CSGALNACT1: variants seen among roughly 807,000 people sequenced by gnomAD.
CSGALNACT1 encodes the protein chondroitin sulfate N-acetylgalactosaminyltransferase 1.
CSGALNACT1 carries 52 observed loss-of-function variants against 51.0 expected under a neutral mutation model. The ratio of observed to expected loss-of-function variants is 1.02; its 90% CI spans 0.82 to 1.29. CSGALNACT1 has a LOEUF of 1.29. CSGALNACT1 is among the 50% of genes most tolerant of loss of function. The pLI, the probability that CSGALNACT1 is intolerant of heterozygous loss-of-function variation, is 0.00. For missense variants in CSGALNACT1, 935 were observed against 679.2 expected, an observed-to-expected ratio of 1.38 and a Z score of -4.19; for synonymous variants, 341 against 254.4, an observed-to-expected ratio of 1.34 and a Z score of -3.24.
chr8:19,659,921 C>G (rs1375455551), intron 1 of CSGALNACT1, among the ~76,000 whole-genome samples: 1 of 152,246 alleles, frequency 6.6e-6, no homozygotes, highest in African/African-American at 2.4e-5. Context: ...GGCAAAAATA[C>G]TGCCTCACAT....
At chr8:19,532,191 G>C (rs1040539890) in intron 3 of CSGALNACT1, among the ~76,000 whole-genome samples, 1 of 150,700 alleles carries the variant, frequency 6.6e-6, no homozygotes, top group African/African-American at 2.4e-5. Context: ...AAACATGTTT[G>C]TTTGCACATT....
intron 1 of CSGALNACT1, among the ~76,000 whole-genome samples, chr8:19,654,383 G>A (rs1432780404): frequency 1.3e-5 from 2 of 152,164 alleles, no homozygotes; most frequent in African/African-American, 2.4e-5. Flanking sequence ...AAGTCTGAAT[G>A]TGTGTGACGC....
intron 3 of CSGALNACT1, among the ~76,000 whole-genome samples, chr8:19,524,804 G>A (rs1212053332): frequency 6.6e-6 from 1 of 152,108 alleles, no homozygotes; most frequent in Non-Finnish European, 1.5e-5. Context: ...CCCGCTCAAT[G>A]ACAGAACAGA....
intron 1 of CSGALNACT1, among the ~76,000 whole-genome samples, chr8:19,626,017 A>G (rs1477819569): frequency 1.3e-5 from 2 of 152,254 alleles, no homozygotes; most frequent in Non-Finnish European, 1.5e-5. Flanking sequence ...AAGTATTAAC[A>G]TTTAAATTAA....
intron 1 of CSGALNACT1, chr8:19,678,439 A>G (rs923508011): frequency 1.3e-5 from 2 of 152,246 alleles, no homozygotes; most frequent in African/African-American, 2.4e-5. Flanking sequence ...ACAGAAAGGT[A>G]GAACTCATTT....
intron 1 of CSGALNACT1, among the ~76,000 whole-genome samples, chr8:19,640,938 T>C (rs2056665459): frequency 1.3e-5 from 2 of 152,022 alleles, no homozygotes; most frequent in South Asian, 4.1e-4. Context: ...GAACAATCAT[T>C]TTCTAAGACA....
At chr8:19,687,895 C>A (rs533835015) in intron 1 of CSGALNACT1, among the ~76,000 whole-genome samples, 12 of 152,236 alleles carry the variant, frequency 7.9e-5, no homozygotes, top group African/African-American at 2.9e-4. Flanking sequence ...ACTGTATAAC[C>A]CTCAGAGGAA....
intron 8 of CSGALNACT1, among the ~76,000 whole-genome samples, chr8:19,412,319 C>T (rs1293718430): frequency 2.0e-5 from 3 of 152,174 alleles, no homozygotes; most frequent in African/African-American, 7.2e-5. Flanking sequence ...GTGGACGATT[C>T]ACGTGACAGG....
At chr8:19,746,161 G>C (rs554093047) in intron 1 of CSGALNACT1, among the ~76,000 whole-genome samples, 1 of 152,284 alleles carries the variant, frequency 6.6e-6, no homozygotes, top group East Asian at 1.9e-4. Flanking sequence ...ACCAGTTTCA[G>C]ATGCTCCATG....
At chr8:19,509,648 A>T (rs1440408283) in intron 3 of CSGALNACT1, among the ~76,000 whole-genome samples, 2 of 138,310 alleles carry the variant, frequency 1.4e-5, no homozygotes, top group African/African-American at 5.6e-5. Context: ...AAAAAAAAAA[A>T]TGGGTGTCAC....
chr8:19,473,202 C>T (rs993322295), intron 4 of CSGALNACT1, among the ~76,000 whole-genome samples: 3 of 152,156 alleles, frequency 2.0e-5, no homozygotes, highest in African/African-American at 7.2e-5. Context: ...TACAAATTAG[C>T]ATATGTAATA....
exon 7 of CSGALNACT1, chr8:19,420,423 C>T: frequency 1.2e-6 from 2 of 1,614,210 alleles, no homozygotes; most frequent in South Asian, 2.2e-5. Flanking sequence ...AAGGACGTTG[C>T]TTCCCTTCCA....
Position 19,757,436 on chromosome 8 carries a change from G to T in CSGALNACT1, c.-297+414C>A, listed in dbSNP as rs1373216159. 2.0e-5 allele frequency: 3 copies of T among 152,600 alleles called. No individual in the cohort carries two copies. Among genetic ancestry groups the T allele is most frequent in the African/African-American group, 7.2e-5 (3 of 41,506 alleles). The allele number at this position is 152,600 out of a possible 1,614,324, so 9.5% of individuals were successfully genotyped here. On this transcript the variant is annotated intron_variant, in intron 1 of 1. Coordinates refer to the CSGALNACT1 transcript ENST00000517494. This position sits in a 1 kb window ranked among gnomAD's most constrained non-coding sequence, Gnocchi z 4.0. ...GCGGCCAAGGCCGGGCTGGGGTCGC[G>T]GTTGGCCGCGTACCTCCGCGTCACC...
intron 1 of CSGALNACT1, among the ~76,000 whole-genome samples, chr8:19,750,989 C>T (rs185209848): frequency 3.2e-4 from 48 of 152,250 alleles, no homozygotes; most frequent in Non-Finnish European, 4.1e-4. Flanking sequence ...CAAACCTATA[C>T]ATTAAAAGTG....
intron 6 of CSGALNACT1, among the ~76,000 whole-genome samples, chr8:19,422,675 A>G (rs1468208997): frequency 6.6e-6 from 1 of 152,222 alleles, no homozygotes; most frequent in African/African-American, 2.4e-5. Context: ...AGTCAAGGAC[A>G]CGCTATCCTC....
chr8:19,576,876 C>G (rs369477603), intron 3 of CSGALNACT1, among the ~76,000 whole-genome samples: 3 of 152,116 alleles, frequency 2.0e-5, no homozygotes, highest in African/African-American at 7.2e-5. Context: ...ACTGCCACAC[C>G]TTACTGCTCT....
intron 5 of CSGALNACT1, among the ~76,000 whole-genome samples, chr8:19,442,501 A>G (rs1440535849): frequency 6.8e-6 from 1 of 147,156 alleles, no homozygotes. Flanking sequence ...GTTCTCACTC[A>G]TAGGTGGGAA....
intron 4 of CSGALNACT1, among the ~76,000 whole-genome samples, chr8:19,481,503 G>A (rs545069130): frequency 7.2e-5 from 11 of 152,162 alleles, no homozygotes; most frequent in African/African-American, 2.2e-4. Flanking sequence ...TAAGTACCCT[G>A]CCCAAGATCT....
chr8:19,458,804 A>G (rs1280010555), intron 4 of CSGALNACT1, among the ~76,000 whole-genome samples, 162 bp from the exon 4 acceptor site: 2 of 152,206 alleles, frequency 1.3e-5, no homozygotes, highest in Non-Finnish European at 1.5e-5. Flanking sequence ...AAAAAATTCC[A>G]AAAGAAGTCA....
Sources: allele counts gnomAD v4.1 joint callset (sites outside exome capture counted in the v4.1 genomes callset), GRCh38; gene constraint gnomAD v4.1.1; non-coding constraint Gnocchi (gnomAD v3.1); transcripts MANE v1.5; gene names NCBI Gene and HGNC (gene_info 2026-07-23, HGNC 2026-07-21).